Variants in KCTD16 observed in about 807,000 individuals in gnomAD.
KCTD16 encodes the protein potassium channel tetramerization domain containing 16, also known as BTB/POZ domain-containing protein KCTD16.
In KCTD16, 13 loss-of-function variants were observed where a neutral mutation model predicts 33.2. That is an observed-to-expected ratio of 0.39 (90% confidence interval 0.25 to 0.62). The LOEUF (loss-of-function observed/expected upper bound fraction) is 0.62. Ranked by LOEUF, KCTD16 falls within the 20% of genes least tolerant of loss-of-function variation. The pLI is 0.50. For missense variants in KCTD16, 441 were observed against 525.1 expected, an observed-to-expected ratio of 0.84 and a Z score of 1.57; for synonymous variants, 197 against 195.3, an observed-to-expected ratio of 1.01 and a Z score of -0.07.
chr5:144,436,657 G>C (rs1280477076), intron 3 of KCTD16, among the ~76,000 whole-genome samples: 1 of 150,178 alleles, frequency 6.7e-6, no homozygotes, highest in African/African-American at 2.5e-5. Context: ...GTGCTATCTC[G>C]GCTCACTGCA....
intron 1 of KCTD16, among the ~76,000 whole-genome samples, chr5:144,171,880 G>A (rs545121759): frequency 8.9e-4 from 135 of 152,322 alleles, no homozygotes; most frequent in Non-Finnish European, 1.7e-3. Flanking sequence ...TGGCTCCTGT[G>A]TTAAATCACT....
intron 3 of KCTD16, among the ~76,000 whole-genome samples, chr5:144,430,467 G>A (rs542827975): frequency 6.6e-6 from 1 of 152,192 alleles, no homozygotes; most frequent in South Asian, 2.1e-4. Flanking sequence ...GCCAGGCTCT[G>A]ACACCAACTT....
At chr5:144,252,958 A>C (rs925086293) in intron 3 of KCTD16, among the ~76,000 whole-genome samples, 1 of 151,308 alleles carries the variant, frequency 6.6e-6, no homozygotes, top group Non-Finnish European at 1.5e-5. Flanking sequence ...ATTGCTTTAA[A>C]ATCAGTAGCT....
chr5:144,327,609 AT>A (rs1752243901), intron 3 of KCTD16, among the ~76,000 whole-genome samples: 1 of 152,198 alleles, frequency 6.6e-6, no homozygotes, highest in South Asian at 2.1e-4. Context: ...GTTTCTTTCC[AT>A]AAAACAGAAA....
intron 3 of KCTD16, among the ~76,000 whole-genome samples, chr5:144,397,845 A>T (rs186419528): frequency 6.6e-6 from 1 of 152,324 alleles, no homozygotes; most frequent in East Asian, 1.9e-4. Context: ...CTTGGAAATG[A>T]TGGAGACACA....
intron 3 of KCTD16, among the ~76,000 whole-genome samples, chr5:144,320,905 G>T (rs1451098377): frequency 6.6e-6 from 1 of 152,150 alleles, no homozygotes; most frequent in Non-Finnish European, 1.5e-5. Context: ...GTCCAGGCTG[G>T]AGTGCAATGG....
intron 2 of KCTD16, among the ~76,000 whole-genome samples, chr5:144,175,494 A>G (rs1190077682): frequency 6.6e-6 from 1 of 152,228 alleles, no homozygotes; most frequent in Admixed American, 6.5e-5. Flanking sequence ...CCACATGTAT[A>G]TATATTCAAG....
intron 3 of KCTD16, among the ~76,000 whole-genome samples, chr5:144,226,770 G>A (rs945719706): frequency 2.0e-5 from 3 of 151,848 alleles, no homozygotes; most frequent in Admixed American, 6.6e-5. Flanking sequence ...ATGGGATTTC[G>A]CCATGTTGGT....
chr5:144,371,976 A>ACTTC (rs1751977443), intron 3 of KCTD16, among the ~76,000 whole-genome samples: 1 of 152,010 alleles, frequency 6.6e-6, no homozygotes, highest in Non-Finnish European at 1.5e-5. Flanking sequence ...TTACTCTGTT[A>ACTTC]TCAAAGCAAG....
chr5:144,297,771 G>A (rs1039171684), intron 3 of KCTD16, among the ~76,000 whole-genome samples: 7 of 152,162 alleles, frequency 4.6e-5, no homozygotes, highest in African/African-American at 1.2e-4. Flanking sequence ...ATTATCTATC[G>A]CCTGAGAGCA....
intron 3 of KCTD16, among the ~76,000 whole-genome samples, chr5:144,302,096 C>G (rs1751457652): frequency 6.6e-6 from 1 of 152,164 alleles, no homozygotes; most frequent in Non-Finnish European, 1.5e-5. Flanking sequence ...GTTTAAGTGA[C>G]TTGCCCAAGA....
chr5:144,382,017 T>TATACATACATACATACATAC (rs111382461), intron 3 of KCTD16, among the ~76,000 whole-genome samples: 2,387 of 149,858 alleles, frequency 0.016, 74 homozygotes, highest in African/African-American at 0.052. Context: ...AAGATGTTTA[T>TATACATACATACATACATAC]ATACATACAT....
At chr5:144,189,495 CA>C (rs5871868) in intron 2 of KCTD16, among the ~76,000 whole-genome samples, 35,736 of 120,326 alleles carry the variant, frequency 0.3, 5,056 homozygotes, top group East Asian at 0.48. Context: ...GACTCCATCT[CA>C]AAAAAAAAAA....
intron 3 of KCTD16, among the ~76,000 whole-genome samples, chr5:144,306,164 A>G (rs777233598): frequency 1.2e-4 from 19 of 152,230 alleles, no homozygotes; most frequent in Non-Finnish European, 2.6e-4. Context: ...TCCCATGCTC[A>G]GAGTTTATAA....
intron 3 of KCTD16, among the ~76,000 whole-genome samples, chr5:144,351,591 A>C (rs1751436676): frequency 6.6e-6 from 1 of 152,204 alleles, no homozygotes; most frequent in Admixed American, 6.5e-5. Context: ...AGTGGAAGAG[A>C]TATCTGCATT....
intron 3 of KCTD16, among the ~76,000 whole-genome samples, chr5:144,389,940 C>G (rs1251069029): frequency 1.3e-5 from 2 of 152,152 alleles, no homozygotes; most frequent in Non-Finnish European, 2.9e-5. Context: ...ATCACAGGAG[C>G]GATGACCTAA....
At chr5:144,234,769 G>T (rs1263684952) in intron 3 of KCTD16, among the ~76,000 whole-genome samples, 3 of 152,020 alleles carry the variant, frequency 2.0e-5, no homozygotes, top group Non-Finnish European at 4.4e-5. Flanking sequence ...TATATATTAT[G>T]TGTACATGTA....
intron 3 of KCTD16, among the ~76,000 whole-genome samples, chr5:144,338,008 A>T (rs542503593): frequency 6.6e-6 from 1 of 152,306 alleles, no homozygotes; most frequent in African/African-American, 2.4e-5. Flanking sequence ...AAACAATAAA[A>T]ACATAGCTAT....
At chr5:144,418,022 G>T (rs1279694471) in intron 3 of KCTD16, among the ~76,000 whole-genome samples, 1 of 152,082 alleles carries the variant, frequency 6.6e-6, no homozygotes, top group East Asian at 1.9e-4. Flanking sequence ...TCGTAGTCTT[G>T]CTGACTTCAG....
Sources: gnomAD v4.1 joint callset for allele counts (sites outside exome capture counted in the v4.1 genomes callset) on GRCh38, gnomAD v4.1.1 for gene constraint, MANE v1.5 for transcripts, NCBI Gene and HGNC (gene_info 2026-07-23, HGNC 2026-07-21) for gene names.